The following RPAP3 variants were observed in gnomAD, a reference collection of about 807,000 sequenced individuals.
The protein encoded by RPAP3 is RNA polymerase II associated protein 3.
Under a neutral mutation model 88.8 loss-of-function variants are expected in RPAP3, and 58 were observed. That is an observed-to-expected ratio of 0.65 (90% CI 0.53 to 0.81). The LOEUF (loss-of-function observed/expected upper bound fraction) is 0.81, where lower values mean the gene tolerates loss of function less well. RPAP3 is among the 40% of genes least tolerant of loss of function. RPAP3 has a pLI of 0.00. For synonymous variants in RPAP3, 255 were observed against 259.9 expected (o/e 0.98, Z 0.18); for missense variants, 751 against 764.3 (o/e 0.98, Z 0.20).
At chr12:47,697,286 A>G (rs1939551418) in intron 4 of RPAP3, among the ~76,000 whole-genome samples, 2 of 152,248 alleles carry the variant, frequency 1.3e-5, no homozygotes, top group African/African-American at 2.4e-5. Context: ...GTACAGTCCA[A>G]GCATTTTACA....
rs186817753 is a variant in RPAP3 at position 47,703,297 on chromosome 12, G to A, written c.-6-451C>T. On this transcript the variant is annotated intron_variant, in intron 1 of 16. Coordinates refer to ENST00000005386, the MANE Select transcript of RPAP3 (RefSeq NM_024604.3). The stretch of plus-strand genomic sequence containing the variant: ...GAAGAAAAAAATATATAAAGCACTA[G>A]TAACAAAATATGTTAAGCAGGGTTT... Among the ~76,000 whole-genome samples the A allele has an allele frequency of 3.9e-3, 590 of 152,314 alleles. 1 individual carries two copies. The highest frequency in any genetic ancestry group is 7.0e-3 in the Non-Finnish European group (474 of 68,024).
intron 5 of RPAP3, among the ~76,000 whole-genome samples, chr12:47,694,577 G>A (rs1202786273): frequency 2.0e-5 from 3 of 150,300 alleles, no homozygotes; most frequent in African/African-American, 7.4e-5. Context: ...CAAATTGAGA[G>A]AAGATAGTTA....
intron 6 of RPAP3, among the ~76,000 whole-genome samples, chr12:47,689,456 A>T (rs183383707): frequency 5.8e-4 from 89 of 152,316 alleles, no homozygotes; most frequent in Middle Eastern, 3.4e-3. Context: ...TCTGTACCTC[A>T]GCCTCCTGAG....
At chr12:47,680,848 A>C (rs1323826853) in intron 10 of RPAP3, among the ~76,000 whole-genome samples, 1 of 151,894 alleles carries the variant, frequency 6.6e-6, no homozygotes, top group East Asian at 1.9e-4. Flanking sequence ...TTTTTAAAAA[A>C]AAAAAATCAA....
chr12:47,703,784 T>C (rs938799664), intron 1 of RPAP3, among the ~76,000 whole-genome samples: 3 of 152,194 alleles, frequency 2.0e-5, no homozygotes, highest in Admixed American at 2.0e-4. Context: ...AGGTCTAACC[T>C]ATATTCTGAA....
At chr12:47,679,869 A>G in intron 10 of RPAP3, 95 bp from the exon 11 acceptor site, 1 of 857,272 alleles carries the variant, frequency 1.2e-6, no homozygotes, top group East Asian at 2.6e-5. Flanking sequence ...TAGTAATCAC[A>G]TTTTTAGCTC....
chr12:47,686,545 T>TACACATACACATACACACACACACAC (rs57271770), intron 9 of RPAP3, among the ~76,000 whole-genome samples: 1 of 145,352 alleles, frequency 6.9e-6, no homozygotes, highest in Non-Finnish European at 1.5e-5. Context: ...CACATACACA[T>TACACATACACATACACACACACACAC]ACACACACAC....
Position 47,689,125 on chromosome 12 carries a change from C to T in RPAP3, c.738G>A (p.Gln246=). 7.3e-7 allele frequency: 1 copy of T among 1,374,272 alleles called. No homozygotes were observed. Among genetic ancestry groups the T allele is most frequent in the Non-Finnish European group, 1.0e-6 (1 of 974,470 alleles). 85.1% of individuals were successfully genotyped at this position (1,374,272 alleles called of 1,614,324 possible). A position where few individuals can be genotyped will look rare whatever the true frequency, so the allele number is the denominator to read the frequency against. The change falls in exon 7 of 17, where the codon CAG becomes CAA. Residue 246 remains glutamine (Q), a splice_region_variant and synonymous_variant. Transcript: ENST00000005386. The part of the protein sequence containing the change: ...EATNELRKIS[Q]ALASKENSYP... ...CTTAATTTAAATAACTATAGTTTACCTGACTGATTTTCCTGAGTTCATTTG... is the reference window on the plus strand; with the variant it reads ...CTTAATTTAAATAACTATAGTTTACTTGACTGATTTTCCTGAGTTCATTTG...
chr12:47,690,483 G>T, intron 6 of RPAP3, 35 bp downstream of exon 6: 1 of 1,557,462 alleles, frequency 6.4e-7, no homozygotes. Context: ...AGATAACACT[G>T]TTAAAGAATT....
At chr12:47,691,068 T>C (rs529304015) in intron 5 of RPAP3, among the ~76,000 whole-genome samples, 49 of 152,358 alleles carry the variant, frequency 3.2e-4, no homozygotes, top group Admixed American at 1.4e-3. Context: ...CTTGCCTTGA[T>C]GTTGATGGCT....
At chr12:47,703,353 C>CA (rs761840182) in intron 1 of RPAP3, among the ~76,000 whole-genome samples, 22 of 152,114 alleles carry the variant, frequency 1.4e-4, no homozygotes, top group Non-Finnish European at 1.8e-4. Flanking sequence ...CATTTTGGGC[C>CA]AAAAAATTTA....
At chr12:47,689,577 A>T (rs1489798094) in intron 6 of RPAP3, among the ~76,000 whole-genome samples, 1 of 152,156 alleles carries the variant, frequency 6.6e-6, no homozygotes, top group Non-Finnish European at 1.5e-5. Flanking sequence ...GGCCTCAAGT[A>T]GTCTTCCCAC....
intron 1 of RPAP3, among the ~76,000 whole-genome samples, chr12:47,704,775 G>T (rs548026240): frequency 2.5e-4 from 38 of 152,108 alleles, no homozygotes; most frequent in Non-Finnish European, 4.3e-4. Context: ...GCAGAGGTTG[G>T]GGGGCAGGGG....
intron 13 of RPAP3, 105 bp downstream of exon 13, chr12:47,670,002 A>G (rs765270935): frequency 4.0e-6 from 3 of 743,500 alleles, no homozygotes; most frequent in Non-Finnish European, 6.7e-6. Context: ...TAGGCAGTTC[A>G]AAAAATTAGC....
chr12:47,697,782 G>C, intron 3 of RPAP3, 63 bp from the exon 4 acceptor site: 2 of 1,438,844 alleles, frequency 1.4e-6, no homozygotes, highest in South Asian at 1.3e-5. Flanking sequence ...AAGAAAAAAA[G>C]ACATACTAAA....
intron 3 of RPAP3, among the ~76,000 whole-genome samples, chr12:47,700,829 A>G (rs186730826): frequency 1.6e-3 from 238 of 152,332 alleles, no homozygotes; most frequent in Non-Finnish European, 3.0e-3. Context: ...GACTAGACAC[A>G]AAGGCATTCT....
In RPAP3 at chr12:47,663,528, GTTC is replaced by G; in HGVS notation, c.1972_1974del (p.Glu658del). 6.3e-7 allele frequency: 1 copy of G among 1,591,934 alleles called. No homozygotes were observed. The highest frequency in any genetic ancestry group is 8.5e-7 in the Non-Finnish European group (1 of 1,169,752). On this transcript the variant is annotated inframe_deletion, in exon 17 of 17. Coordinates refer to ENST00000005386, the MANE Select transcript of RPAP3 (RefSeq NM_024604.3). ...AATCAACCACCGTATCTTTTCTTGAGTTCTTCGACAGAACTATCCTTCAATCCT... is the reference window on the plus strand; with the variant it reads ...AATCAACCACCGTATCTTTTCTTGAGTTCGACAGAACTATCCTTCAATCCT...
At chr12:47,686,708 C>A in intron 9 of RPAP3, 72 bp downstream of exon 9, 1 of 1,218,696 alleles carries the variant, frequency 8.2e-7, no homozygotes, top group African/African-American at 1.6e-5. Flanking sequence ...TGTTAGGTAA[C>A]TTATGGTAAA....
intron 5 of RPAP3, among the ~76,000 whole-genome samples, chr12:47,693,050 T>C (rs549791650): frequency 4.7e-4 from 71 of 152,196 alleles, no homozygotes; most frequent in Middle Eastern, 3.4e-3. Flanking sequence ...TGGCTAATTG[T>C]TTGTATTTTT....
Sources: allele counts gnomAD v4.1 joint callset (sites outside exome capture counted in the v4.1 genomes callset), GRCh38; gene constraint gnomAD v4.1.1; transcripts MANE v1.5; gene names NCBI Gene and HGNC (gene_info 2026-07-23, HGNC 2026-07-21).